Variants in SLC24A3 observed in about 807,000 individuals in gnomAD.
SLC24A3 encodes solute carrier family 24 member 3, also known as sodium/potassium/calcium exchanger 3.
A neutral mutation model predicts 75.8 loss-of-function variants in SLC24A3; 28 were observed. The observed-to-expected ratio is 0.37, with a 90% CI of 0.27 to 0.51. The LOEUF is 0.51. Among genes scored for constraint, SLC24A3 ranks in the 20% least tolerant of loss-of-function variants. The pLI, the probability that SLC24A3 is intolerant of heterozygous loss-of-function variation, is 0.94. For synonymous variants in SLC24A3, 372 were observed against 334.1 expected (o/e 1.11, Z -1.24); for missense variants, 663 against 847.8 (o/e 0.78, Z 2.71).
At chr20:19,391,308 C>T (rs1369437084) in intron 2 of SLC24A3, among the ~76,000 whole-genome samples, 2 of 152,138 alleles carry the variant, frequency 1.3e-5, no homozygotes, top group East Asian at 3.9e-4. Flanking sequence ...TTCTTGATGA[C>T]TGAGTAACTA....
chr20:19,674,591 C>T (rs1306234757), intron 9 of SLC24A3, among the ~76,000 whole-genome samples: 1 of 152,232 alleles, frequency 6.6e-6, no homozygotes, highest in Admixed American at 6.5e-5. Context: ...CACGCCATTA[C>T]TTCTACCATA....
intron 2 of SLC24A3, among the ~76,000 whole-genome samples, chr20:19,299,461 C>T (rs1486692816): frequency 6.6e-6 from 1 of 152,006 alleles, no homozygotes; most frequent in Non-Finnish European, 1.5e-5. Flanking sequence ...CTGGGGACTC[C>T]AGTGAAGCTC....
Position 19,404,691 on chromosome 20 carries a change from T to C in SLC24A3, c.272-110797T>C, listed in dbSNP as rs73128607. 2.6e-3 allele frequency among the ~76,000 whole-genome samples: 392 copies of C among 152,290 alleles called. 3 individuals carry two copies. Among genetic ancestry groups the C allele is most frequent in the Middle Eastern group, 0.01 (3 of 292 alleles). Reference sequence around the variant, plus strand: ...CCAGAGGTCGGGCTGGACACTCCTGTGGGGAAGTCATGTGTGGTCTGTTCA... The same window carrying C: ...CCAGAGGTCGGGCTGGACACTCCTGCGGGGAAGTCATGTGTGGTCTGTTCA... On this transcript the variant is annotated intron_variant, in intron 2 of 16. Transcript: ENST00000328041.
rs571002792 is a variant in SLC24A3 at position 19,244,880 on chromosome 20, G to A, written c.142+31896G>A. Among the ~76,000 whole-genome samples, 9 of 152,272 alleles carry A rather than the reference G, an allele frequency of 5.9e-5. No individual in the cohort carries two copies. In the East Asian group the frequency reaches 1.7e-3, roughly 29 times the overall value. On this transcript the variant is annotated intron_variant, in intron 1 of 16. Transcript: ENST00000328041. Reference sequence around the variant, plus strand: ...ATAAAGAGGAAGCTGAATACCCAAGGAGCATGTTGTCACTCACTACTGCAT... The same window carrying A: ...ATAAAGAGGAAGCTGAATACCCAAGAAGCATGTTGTCACTCACTACTGCAT...
intron 7 of SLC24A3, among the ~76,000 whole-genome samples, chr20:19,661,097 T>C (rs925349983): frequency 6.6e-6 from 1 of 152,204 alleles, no homozygotes; most frequent in Non-Finnish European, 1.5e-5. Context: ...ACGTGGAAAC[T>C]GTAGCTATGT....
intron 10 of SLC24A3, 23 bp from the exon 11 acceptor site, chr20:19,684,153 C>T (rs1487314174): frequency 6.2e-7 from 1 of 1,609,448 alleles, no homozygotes; most frequent in African/African-American, 1.3e-5. Context: ...TGTTATTTTA[C>T]CTTATGTTTT....
At chr20:19,478,669 A>G (rs2016971139) in intron 2 of SLC24A3, among the ~76,000 whole-genome samples, 1 of 152,264 alleles carries the variant, frequency 6.6e-6, no homozygotes, top group East Asian at 1.9e-4. Flanking sequence ...GTCTGGGCCC[A>G]TGACCACACT....
intron 7 of SLC24A3, among the ~76,000 whole-genome samples, chr20:19,661,088 C>T (rs769922730): frequency 6.6e-5 from 10 of 152,144 alleles, no homozygotes; most frequent in Non-Finnish European, 1.2e-4. Context: ...AGGAAAACAA[C>T]GTGGAAACTG....
intron 1 of SLC24A3, among the ~76,000 whole-genome samples, chr20:19,225,572 A>G (rs919748047): frequency 6.6e-6 from 1 of 151,604 alleles, no homozygotes; most frequent in Non-Finnish European, 1.5e-5. Flanking sequence ...CACCCCAAAA[A>G]CCCCCCTCAA....
At chr20:19,440,336 C>A (rs1034391244) in intron 2 of SLC24A3, among the ~76,000 whole-genome samples, 1 of 152,204 alleles carries the variant, frequency 6.6e-6, no homozygotes, top group African/African-American at 2.4e-5. Context: ...TATCTGTAAT[C>A]TCAGAAGGAG....
chr20:19,628,177 C>G (rs1457218972), intron 6 of SLC24A3, among the ~76,000 whole-genome samples: 2 of 134,678 alleles, frequency 1.5e-5, no homozygotes, highest in African/African-American at 5.8e-5. Context: ...GCACTCCAGC[C>G]TGGCGACACA....
intron 2 of SLC24A3, among the ~76,000 whole-genome samples, chr20:19,449,548 A>G (rs1987445819): frequency 6.6e-6 from 1 of 152,228 alleles, no homozygotes; most frequent in Non-Finnish European, 1.5e-5. Context: ...CACAGTGCTC[A>G]GCCCAGTGGG....
intron 2 of SLC24A3, among the ~76,000 whole-genome samples, chr20:19,366,223 C>T (rs538124712): frequency 6.6e-6 from 1 of 152,278 alleles, no homozygotes; most frequent in South Asian, 2.1e-4. Flanking sequence ...GGTGAAGATT[C>T]ACTTCTGTAA....
chr20:19,469,009 T>C (rs913177297), intron 2 of SLC24A3, among the ~76,000 whole-genome samples: 4 of 152,138 alleles, frequency 2.6e-5, no homozygotes, highest in Non-Finnish European at 5.9e-5. Flanking sequence ...GATGGATACT[T>C]AACACCAGCA....
chr20:19,345,777 TA>T (rs1327020723), intron 2 of SLC24A3, among the ~76,000 whole-genome samples: 2 of 151,258 alleles, frequency 1.3e-5, no homozygotes, highest in African/African-American at 4.9e-5. Flanking sequence ...TAATCAAGAA[TA>T]AAAAAAGAGT....
At chr20:19,524,483 C>T (rs148939690) in intron 3 of SLC24A3, among the ~76,000 whole-genome samples, 8 of 152,284 alleles carry the variant, frequency 5.3e-5, no homozygotes, top group Admixed American at 5.2e-4. Context: ...ATCATGGCGC[C>T]AAATGGTGGT....
chr20:19,276,764 A>G (rs973082874), intron 1 of SLC24A3, among the ~76,000 whole-genome samples: 5 of 151,994 alleles, frequency 3.3e-5, no homozygotes, highest in Non-Finnish European at 7.4e-5. Context: ...AATTAGCTGG[A>G]TGTGGTGGCA....
chr20:19,240,948 G>T (rs1394267222), intron 1 of SLC24A3, among the ~76,000 whole-genome samples: 1 of 152,176 alleles, frequency 6.6e-6, no homozygotes, highest in Non-Finnish European at 1.5e-5. Context: ...GTGCATGGCC[G>T]GCAAGGGTAT....
intron 7 of SLC24A3, among the ~76,000 whole-genome samples, chr20:19,663,613 G>C (rs1449040908): frequency 3.3e-5 from 5 of 151,058 alleles, no homozygotes; most frequent in Non-Finnish European, 5.9e-5. Flanking sequence ...GTTAGTACTT[G>C]TAGTGAGATC....
Sources: allele counts gnomAD v4.1 joint callset (sites outside exome capture counted in the v4.1 genomes callset), GRCh38; gene constraint gnomAD v4.1.1; transcripts MANE v1.5; gene names NCBI Gene and HGNC (gene_info 2026-07-23, HGNC 2026-07-21).